Variants in STAT5A observed in about 807,000 individuals in gnomAD.
STAT5A encodes epididymis secretory sperm binding protein.
A neutral mutation model predicts 100.2 loss-of-function variants in STAT5A; 26 were observed. That is an observed-to-expected ratio of 0.26 (90% confidence interval 0.19 to 0.36). The LOEUF (loss-of-function observed/expected upper bound fraction) is 0.36, where lower values mean the gene tolerates loss of function less well. Among genes scored for constraint, STAT5A ranks in the 10% least tolerant of loss-of-function variants. The pLI is 1.00. For missense variants in STAT5A, 634 were observed against 1,027.5 expected (o/e 0.62, Z 5.24); for synonymous variants, 330 against 424.3 (o/e 0.78, Z 2.73).
intron 16 of STAT5A, 23 bp from the exon 17 acceptor site, chr17:42,309,024 C>A: frequency 6.2e-7 from 1 of 1,614,190 alleles, no homozygotes; most frequent in South Asian, 1.1e-5. Flanking sequence ...CTTTGGTTCT[C>A]ACCACTGTTC....
chr17:42,308,359 G>A lies in STAT5A; in HGVS notation c.2062+26G>A, dbSNP rs375063699. 1.9e-5 allele frequency: 31 copies of A among 1,613,742 alleles called. No individual in the cohort carries two copies. The African/African-American group carries it at 2.4e-4, about 13-fold the overall frequency. On this transcript the variant is annotated intron_variant, in intron 16 of 18. Transcript: ENST00000590949. The surrounding 1 kb of genome is among the most constrained non-coding windows in gnomAD (Gnocchi z 4.6). ...GTGGGTACTGCCCCAGGACCCTGCC[G>A]GCTGACTCCCCCGGGCTCTTCCCCA... is the stretch of plus-strand genomic sequence containing the variant.
At position 42,308,272 on chromosome 17, in the gene STAT5A, CTA is replaced by C; in HGVS notation, c.2003_2004del (p.Tyr668CysfsTer4). 1 of 1,614,210 alleles carries C rather than the reference CTA, an allele frequency of 6.2e-7. No individual in the cohort carries two copies. Among genetic ancestry groups the C allele is most frequent in the South Asian group, 1.1e-5 (1 of 91,090 alleles). Reference protein sequence around the residue: ...DRLGDLSYLIYVFPDRPKDEV... With the variant: ...DRLGDLSYLIXVFPDRPKDEV... ...GGCTGGGGGACCTGAGCTATCTCATCTATGTGTTTCCTGACCGCCCCAAGGAT... is the reference window on the plus strand; with the variant it reads ...GGCTGGGGGACCTGAGCTATCTCATCTGTGTTTCCTGACCGCCCCAAGGAT... On this transcript the variant is annotated frameshift_variant, in exon 16 of 19. Coordinates refer to ENST00000590949, the MANE Select transcript of STAT5A (RefSeq NM_001288718.2). LOFTEE classifies it high-confidence loss of function. The surrounding 1 kb of genome is among the most constrained non-coding windows in gnomAD (Gnocchi z 4.6).
chr17:42,310,731 G>T lies in STAT5A; in HGVS notation c.*62G>T, dbSNP rs1446446695. 2.5e-6 allele frequency: 4 copies of T among 1,606,322 alleles called. No individual in the cohort carries two copies. In the African/African-American group the frequency reaches 5.3e-5, roughly 21 times the overall value. The stretch of plus-strand genomic sequence containing the variant: ...GCAATGTGAAGCGGTCGTGTTGTGA[G>T]TTTAGTAAGGCTGTGTACACTGACA... On this transcript the variant is annotated 3_prime_UTR_variant, in exon 19 of 19. Coordinates refer to ENST00000590949, the MANE Select transcript of STAT5A (RefSeq NM_001288718.2).
intron 12 of STAT5A, chr17:42,306,029 C>G: frequency 1.3e-6 from 1 of 795,036 alleles, no homozygotes; most frequent in Non-Finnish European, 2.0e-6. Flanking sequence ...CTGCATGCCC[C>G]CACCCCCTGC....
chr17:42,305,766 C>G lies in STAT5A; in HGVS notation c.1473+64C>G, dbSNP rs2081022640. 4 of 1,552,552 alleles carry G rather than the reference C, an allele frequency of 2.6e-6. No individual in the cohort carries two copies. The Admixed American group carries it at 6.9e-5, about 27-fold the overall frequency. The stretch of plus-strand genomic sequence containing the variant: ...CCCTAGGACTCACCTGGGGTCAGCC[C>G]CACCCCTTGGGCCCCTGCTGAGTGG... On this transcript the variant is annotated intron_variant, in intron 12 of 18. Coordinates refer to ENST00000590949, the MANE Select transcript of STAT5A (RefSeq NM_001288718.2).
chr17:42,292,568 G>A (rs535503776), intron 4 of STAT5A, among the ~76,000 whole-genome samples: 5 of 150,902 alleles, frequency 3.3e-5, no homozygotes, highest in East Asian at 2.0e-4. Context: ...CTCGTGATCC[G>A]CCCACCTCGG....
At chr17:42,307,536 G>A in intron 14 of STAT5A, 40 bp downstream of exon 14, 1 of 1,614,112 alleles carries the variant, frequency 6.2e-7, no homozygotes. Flanking sequence ...CCAGCTGTGG[G>A]CGCAGAGAGA....
At chr17:42,307,839 A>C (rs1221144392) in intron 15 of STAT5A, 116 bp downstream of exon 15, 7 of 1,416,492 alleles carry the variant, frequency 4.9e-6, no homozygotes, top group Non-Finnish European at 6.7e-6. Flanking sequence ...CGGGAAGCTT[A>C]GTATGAGAGG....
chr17:42,295,624 C>G lies in STAT5A; in HGVS notation c.381C>G (p.Ser127Arg). ...TCCATTCCATCTGTCTCCAGTGCAG[C>G]TCTCCGGCTGGGATCCTGGTTGACG... ...QRLVREANNCSSPAGILVDAM... is the reference protein window; with the variant it reads ...QRLVREANNCRSPAGILVDAM... The change falls in exon 5 of 19, where the codon AGC becomes AGG. Residue 127 changes from serine (S) to arginine (R), a missense_variant. Around this residue, in one of 5 missense-constraint regions of STAT5A, gnomAD observed 207 missense variants for 256.6 expected, o/e 0.81. Coordinates refer to ENST00000590949, the MANE Select transcript of STAT5A (RefSeq NM_001288718.2). 6.2e-7 allele frequency: 1 copy of G among 1,613,248 alleles called. No homozygotes were observed. Among genetic ancestry groups the G allele is most frequent in the Non-Finnish European group, 8.5e-7 (1 of 1,179,628 alleles).
In STAT5A at chr17:42,304,248, C is replaced by A; in HGVS notation, c.1170-94C>A. The stretch of plus-strand genomic sequence containing the variant: ...TACGGGGCAGGGGCTGCTGGCAGGG[C>A]TGACCTGAGCGAAGACCCCAGCCCG... On this transcript the variant is annotated intron_variant, in intron 9 of 18. Transcript: ENST00000590949. The surrounding 1 kb of genome is among the most constrained non-coding windows in gnomAD (Gnocchi z 4.8). 2 of 1,224,734 alleles carry A rather than the reference C, an allele frequency of 1.6e-6. No individual in the cohort carries two copies. The highest frequency in any genetic ancestry group is 2.4e-6 in the Non-Finnish European group (2 of 843,194). 75.9% of individuals were successfully genotyped at this position (1,224,734 alleles called of 1,614,324 possible). A position where few individuals can be genotyped will look rare whatever the true frequency, so the allele number is the denominator to read the frequency against.
intron 13 of STAT5A, 107 bp from the exon 14 acceptor site, chr17:42,307,295 G>A: frequency 9.3e-7 from 1 of 1,075,024 alleles, no homozygotes; most frequent in Non-Finnish European, 1.4e-6. Context: ...GGCAAGCAGG[G>A]GTGAAGAACT....
In STAT5A at chr17:42,308,627, G is replaced by C; in HGVS notation, c.2062+294G>C. ...CTGTAGGGAGTGGCCGGGATCATTC[G>C]AGCCCACAGATAGTGCTCCGCTCCC... On this transcript the variant is annotated intron_variant, in intron 16 of 18. Transcript: ENST00000590949. The surrounding 1 kb of genome is among the most constrained non-coding windows in gnomAD (Gnocchi z 4.6). 2.0e-6 allele frequency: 1 copy of C among 509,264 alleles called. No individual in the cohort carries two copies. The highest frequency in any genetic ancestry group is 2.2e-5 in the South Asian group (1 of 44,882). 31.5% of individuals were successfully genotyped at this position (509,264 alleles called of 1,614,324 possible).
intron 4 of STAT5A, 145 bp from the exon 5 acceptor site, chr17:42,295,474 A>T (rs2080909506): frequency 1.2e-6 from 1 of 822,310 alleles, no homozygotes; most frequent in South Asian, 1.8e-5. Context: ...TCTGATGCAA[A>T]TGATCCTTCC....
At position 42,304,169 on chromosome 17, in the gene STAT5A, G is replaced by A. The variant is rs953482474; in HGVS notation, c.1170-173G>A. 3.4e-5 allele frequency: 21 copies of A among 625,912 alleles called. No homozygotes were observed. Among genetic ancestry groups the A allele is most frequent in the African/African-American group, 2.0e-4 (11 of 54,524 alleles). 38.8% of individuals were successfully genotyped at this position (625,912 alleles called of 1,614,324 possible). A position where few individuals can be genotyped will look rare whatever the true frequency, so the allele number is the denominator to read the frequency against. The stretch of plus-strand genomic sequence containing the variant: ...ACCTTGCCTTGGGTGCTGGGCACCA[G>A]GTTGATGGAGAAGTCAGTAACCCAG... On this transcript the variant is annotated intron_variant, in intron 9 of 18. Coordinates refer to ENST00000590949, the MANE Select transcript of STAT5A (RefSeq NM_001288718.2). The surrounding 1 kb of genome is among the most constrained non-coding windows in gnomAD (Gnocchi z 4.8).
At position 42,306,245 on chromosome 17, in the gene STAT5A, G is replaced by A; in HGVS notation, c.1478G>A (p.Arg493Lys). 1 of 1,614,000 alleles carries A rather than the reference G, an allele frequency of 6.2e-7. No individual in the cohort carries two copies. The highest frequency in any genetic ancestry group is 1.1e-5 in the South Asian group (1 of 91,082). ...LWDNAFAEPG[R>K]VPFAVPDKVL... ...CCTCTCTTGTCTCCCTCTCAGGGCA[G>A]GGTGCCATTTGCCGTGCCTGACAAA... The change falls in exon 13 of 19, where the codon AGG (arginine) becomes AAG (lysine). Residue 493 changes from arginine (R) to lysine (K), a missense_variant. Coordinates refer to ENST00000590949, the MANE Select transcript of STAT5A (RefSeq NM_001288718.2).
intron 5 of STAT5A, among the ~76,000 whole-genome samples, chr17:42,298,712 C>T (rs896300553): frequency 4.6e-5 from 7 of 152,040 alleles, no homozygotes; most frequent in Admixed American, 3.9e-4. Flanking sequence ...TGGTCTCGAT[C>T]ACCTGACCTC....
Position 42,301,365 on chromosome 17 carries a change from G to T in STAT5A, c.1080G>T (p.Leu360=). 6.2e-7 allele frequency: 1 copy of T among 1,614,178 alleles called. No homozygotes were observed. The highest frequency in any genetic ancestry group is 8.5e-7 in the Non-Finnish European group (1 of 1,180,032). The change falls in exon 9 of 19, where the codon CTG becomes CTT. Residue 360 remains leucine (L), a synonymous_variant. Coordinates refer to ENST00000590949, the MANE Select transcript of STAT5A (RefSeq NM_001288718.2). ...TACGCCTGCTGGTGGGCGGGAAGCT[G>T]AACGTGCACATGAATCCCCCCCAGG... ...ATVRLLVGGK[L]NVHMNPPQVK... is the part of the protein sequence containing the mutation.
rs1322118372 is a variant in STAT5A at position 42,289,902 on chromosome 17, C to G, written c.165C>G (p.Ala55=). ...AIDLDNPQDR[A]QATQLLEGLV... is the part of the protein sequence containing the mutation. Reference sequence around the variant, plus strand: ...ACTTGGACAATCCCCAGGACAGAGCCCAAGCCACCCAGCTCCTGGAGGGCC... The same window carrying G: ...ACTTGGACAATCCCCAGGACAGAGCGCAAGCCACCCAGCTCCTGGAGGGCC... Residue 55 remains alanine, a synonymous_variant, in exon 3 of 19, where the codon GCC becomes GCG. Transcript: ENST00000590949. 6.3e-7 allele frequency: 1 copy of G among 1,591,112 alleles called. No homozygotes were observed. The highest frequency in any genetic ancestry group is 1.8e-5 in the Admixed American group (1 of 56,432).
intron 4 of STAT5A, among the ~76,000 whole-genome samples, chr17:42,292,397 C>T (rs1346985066): frequency 1.3e-5 from 2 of 152,012 alleles, no homozygotes; most frequent in East Asian, 1.9e-4. Flanking sequence ...GGCGTGATCT[C>T]GGCTCACTGC....
Sources: gnomAD v4.1 joint callset for allele counts (sites outside exome capture counted in the v4.1 genomes callset) on GRCh38, gnomAD v4.1.1 for gene constraint, gnomAD v4.1.1 regional missense constraint, Gnocchi (gnomAD v3.1) non-coding constraint, MANE v1.5 for transcripts, NCBI Gene and HGNC (gene_info 2026-07-23, HGNC 2026-07-21) for gene names.